The following THOC6 variants were observed in gnomAD, a reference collection of about 807,000 sequenced individuals.
THOC6 encodes the protein THO complex 6.
THOC6 carries 39 observed loss-of-function variants against 55.8 expected under a neutral mutation model. That is an observed-to-expected ratio of 0.70 (90% confidence interval 0.54 to 0.91). The LOEUF (loss-of-function observed/expected upper bound fraction) is 0.91. Ranked by LOEUF, THOC6 falls within the 40% of genes least tolerant of loss-of-function variation. The pLI, the probability that THOC6 is intolerant of heterozygous loss-of-function variation, is 0.00. For missense variants in THOC6, 482 were observed against 442.0 expected (o/e 1.09, Z -0.81); for synonymous variants, 192 against 175.6 (o/e 1.09, Z -0.74).
chr16:3,024,413 C>T lies in THOC6; in HGVS notation c.39+48C>T, dbSNP rs141851323. 5.5e-3 allele frequency: 8,901 copies of T among 1,611,398 alleles called. 28 individuals carry two copies. The highest frequency in any genetic ancestry group is 6.8e-3 in the Non-Finnish European group (8,065 of 1,177,600). ...TGCCTTCTGGGGTTTGTAGTTCACG[C>T]ATGGCTGGGACGGGGCGGGCAGGGA... On this transcript the variant is annotated intron_variant, in intron 1 of 12. Transcript: ENST00000326266.
rs2072822283 is a variant in THOC6, at chr16:3,027,293, GTC to G, written c.810+16_810+17del. On this transcript the variant is annotated intron_variant, in intron 11 of 12. Coordinates refer to ENST00000326266, the MANE Select transcript of THOC6 (RefSeq NM_024339.5). ...CTACCAGGACCTGGTGAGGCCCTGT[GTC>G]TCACTTCTGCCACCCCCACTGACTC... 2 of 1,614,188 alleles carry G rather than the reference GTC, an allele frequency of 1.2e-6. No homozygotes were observed. Among genetic ancestry groups the G allele is most frequent in the East Asian group, 4.5e-5 (2 of 44,888 alleles).
In THOC6 at chr16:3,024,072, G is replaced by A. The variant is rs2072709488; in HGVS notation, c.-255G>A. 2.5e-6 allele frequency: 2 copies of A among 806,874 alleles called. No individual in the cohort carries two copies. The highest frequency in any genetic ancestry group is 1.8e-5 in the South Asian group (1 of 56,176). The allele number at this position is 806,874 out of a possible 1,614,324, so 50.0% of individuals were successfully genotyped here. A position where few individuals can be genotyped will look rare whatever the true frequency, so the allele number is the denominator to read the frequency against. Reference sequence around the variant, plus strand: ...TTCTGCGCGGGCGCGGAAGACGGGCGGCGCGTGGCGGAAGGCAGGCTTGCT... The same window carrying A: ...TTCTGCGCGGGCGCGGAAGACGGGCAGCGCGTGGCGGAAGGCAGGCTTGCT... On this transcript the variant is annotated 5_prime_UTR_variant, in exon 1 of 13. Coordinates refer to ENST00000326266, the MANE Select transcript of THOC6 (RefSeq NM_024339.5).
At chr16:3,025,671 A>G in intron 1 of THOC6, 37 bp from the exon 2 acceptor site, 1 of 1,588,046 alleles carries the variant, frequency 6.3e-7, no homozygotes, top group Non-Finnish European at 8.6e-7. Flanking sequence ...GAGGTTTCAT[A>G]CGTCCCAGGC....
At chr16:3,027,555 G>GTC (rs1372579498) in intron 12 of THOC6, 22 bp from the exon 13 acceptor site, 3 of 1,613,424 alleles carry the variant, frequency 1.9e-6, no homozygotes, top group Non-Finnish European at 2.5e-6. Flanking sequence ...GGGCAGGCCA[G>GTC]TCATGCCCCT....
chr16:3,026,500 T>A lies in THOC6; in HGVS notation c.412-16T>A. 1 of 1,614,132 alleles carries A rather than the reference T, an allele frequency of 6.2e-7. No individual in the cohort carries two copies. Among genetic ancestry groups the A allele is most frequent in the Non-Finnish European group, 8.5e-7 (1 of 1,180,012 alleles). On this transcript the variant is annotated splice_polypyrimidine_tract_variant and intron_variant, in intron 6 of 12. Coordinates refer to ENST00000326266, the MANE Select transcript of THOC6 (RefSeq NM_024339.5). ...GATTTGACATTGACTTTCTGCCTCA[T>A]CCTGCTCCTCCACAGGAGAATTCCC...
At position 3,024,342 on chromosome 16, in the gene THOC6, C is replaced by A; in HGVS notation, c.16C>A (p.Pro6Thr). MERAV[P>T]LAVPLGQTEV... ...AGTTCTGGAGATGGAGCGAGCTGTG[C>A]CGCTCGCGGTGCCTCTGGGTCAGGT... is the stretch of plus-strand genomic sequence containing the variant. Residue 6 changes from proline (P) to threonine (T), a missense_variant, in exon 1 of 13, where the codon CCG becomes ACG. By Grantham distance (38) the Pro-to-Thr change is conservative. Coordinates refer to ENST00000326266, the MANE Select transcript of THOC6 (RefSeq NM_024339.5). The A allele has an allele frequency of 6.2e-7, 1 of 1,614,084 alleles. No individual in the cohort carries two copies. The highest frequency in any genetic ancestry group is 8.5e-7 in the Non-Finnish European group (1 of 1,179,990).
Position 3,026,931 on chromosome 16 carries a change from G to C in THOC6, c.636+15G>C. The C allele has an allele frequency of 6.2e-7, 1 of 1,614,190 alleles. No homozygotes were observed. Among genetic ancestry groups the C allele is most frequent in the Non-Finnish European group, 8.5e-7 (1 of 1,180,020 alleles). ...ATAAGCACGAGGTGAGGGTGTGACCGTGGCCATTGTCCTCTTCTCCCCCAA... is the reference window on the plus strand; with the variant it reads ...ATAAGCACGAGGTGAGGGTGTGACCCTGGCCATTGTCCTCTTCTCCCCCAA... On this transcript the variant is annotated intron_variant, in intron 9 of 12. Transcript: ENST00000326266.
chr16:3,025,673 G>A (rs768102078), intron 1 of THOC6, 35 bp from the exon 2 acceptor site: 10 of 1,591,748 alleles, frequency 6.3e-6, no homozygotes, highest in East Asian at 2.2e-5. Flanking sequence ...GGTTTCATAC[G>A]TCCCAGGCAG....
At chr16:3,024,420 G>T in intron 1 of THOC6, 55 bp downstream of exon 1, 1 of 1,607,382 alleles carries the variant, frequency 6.2e-7, no homozygotes, top group Non-Finnish European at 8.5e-7. Context: ...ACGCATGGCT[G>T]GGACGGGGCG....
In THOC6 at chr16:3,026,862, C is replaced by G; in HGVS notation, c.587-5C>G. The G allele has an allele frequency of 6.2e-7, 1 of 1,614,188 alleles. No individual in the cohort carries two copies. The highest frequency in any genetic ancestry group is 8.5e-7 in the Non-Finnish European group (1 of 1,180,030). Reference sequence around the variant, plus strand: ...GGGGCACCACTCACAGTTCTTTCCCCGCAGACCTGCGCACAGCCAAGGAGG... The same window carrying G: ...GGGGCACCACTCACAGTTCTTTCCCGGCAGACCTGCGCACAGCCAAGGAGG... On this transcript the variant is annotated splice_region_variant and splice_polypyrimidine_tract_variant and intron_variant, in intron 8 of 12. Transcript: ENST00000326266.
chr16:3,025,939 G>C lies in THOC6; in HGVS notation c.171G>C (p.Leu57Phe). 6.2e-7 allele frequency: 1 copy of C among 1,614,208 alleles called. No individual in the cohort carries two copies. Among genetic ancestry groups the C allele is most frequent in the Non-Finnish European group, 8.5e-7 (1 of 1,180,048 alleles). ...QIAIFSLSSA[L>F]SSEAKEESKK... ...GTCCCTGCAGCTTGTCCTCTGCTTT[G>C]AGCTCAGAAGCCAAAGAGGAAAGTA... The change falls in exon 3 of 13, where the codon TTG becomes TTC. Residue 57 changes from leucine (L) to phenylalanine (F), a missense_variant. Transcript: ENST00000326266.
intron 11 of THOC6, 34 bp from the exon 12 acceptor site, chr16:3,027,332 C>G (rs747311109): frequency 6.2e-7 from 1 of 1,614,030 alleles, no homozygotes; most frequent in Non-Finnish European, 8.5e-7. Context: ...TCCCTTCAGT[C>G]CTGACCCCTG....
Position 3,026,068 on chromosome 16 carries a change from G to T in THOC6, c.226G>T (p.Asp76Tyr). ...KKPVVTFQAH[D>Y]GPVYSMVSTD... ...AGTTCTGCATTTCTCTTTAGCCCAT[G>T]ATGGGCCCGTCTATAGCATGGTTTC... Residue 76 changes from aspartate (D) to tyrosine (Y), a missense_variant, in exon 4 of 13, where the codon GAT (aspartate) becomes TAT (tyrosine). Physicochemically the swap from Asp to Tyr is radical, Grantham distance 160 (BLOSUM62 -3). Transcript: ENST00000326266. The T allele has an allele frequency of 6.2e-7, 1 of 1,612,656 alleles. No homozygotes were observed. The highest frequency in any genetic ancestry group is 1.3e-5 in the African/African-American group (1 of 75,034).
chr16:3,027,177 G>C lies in THOC6; in HGVS notation c.707G>C (p.Gly236Ala). ...LATDSDWMVC[G>A]GGPALTLWHL... ...TCCCACCTTTCTGTCCAGGTCTGTG[G>C]AGGGGGCCCAGCCCTCACCCTCTGG... The change falls in exon 11 of 13, where the codon GGA (glycine) becomes GCA (alanine). Residue 236 changes from glycine (G) to alanine (A), a missense_variant. Gly to Ala is a moderately conservative substitution (Grantham distance 60, BLOSUM62 0). Coordinates refer to ENST00000326266, the MANE Select transcript of THOC6 (RefSeq NM_024339.5). 1 of 1,614,142 alleles carries C rather than the reference G, an allele frequency of 6.2e-7. No individual in the cohort carries two copies. Among genetic ancestry groups the C allele is most frequent in the Non-Finnish European group, 8.5e-7 (1 of 1,180,022 alleles).
At position 3,024,228 on chromosome 16, in the gene THOC6, G is replaced by A. The variant is rs972505568; in HGVS notation, c.-99G>A. On this transcript the variant is annotated 5_prime_UTR_variant, in exon 1 of 13. Coordinates refer to ENST00000326266, the MANE Select transcript of THOC6 (RefSeq NM_024339.5). ...GGTACGCACCAGCCACCTTCGCGCCGAAGGCGGTAGGGCGCCACGGAGAGG... is the reference window on the plus strand; with the variant it reads ...GGTACGCACCAGCCACCTTCGCGCCAAAGGCGGTAGGGCGCCACGGAGAGG... The A allele has an allele frequency of 4.8e-5, 72 of 1,511,208 alleles. No individual in the cohort carries two copies. The African/African-American group carries it at 8.4e-4, about 18-fold the overall frequency. The allele number at this position is 1,511,208 out of a possible 1,614,324, so 93.6% of individuals were successfully genotyped here. A position where few individuals can be genotyped will look rare whatever the true frequency, so the allele number is the denominator to read the frequency against.
chr16:3,024,231 G>A lies in THOC6; in HGVS notation c.-96G>A. The A allele has an allele frequency of 2.6e-6, 4 of 1,522,566 alleles. No individual in the cohort carries two copies. The highest frequency in any genetic ancestry group is 2.7e-6 in the Non-Finnish European group (3 of 1,103,630). The allele number at this position is 1,522,566 out of a possible 1,614,324, so 94.3% of individuals were successfully genotyped here. A position where few individuals can be genotyped will look rare whatever the true frequency, so the allele number is the denominator to read the frequency against. ...ACGCACCAGCCACCTTCGCGCCGAA[G>A]GCGGTAGGGCGCCACGGAGAGGAAC... On this transcript the variant is annotated 5_prime_UTR_variant, in exon 1 of 13. Transcript: ENST00000326266.
rs1278244147 is a variant in THOC6 at position 3,024,092 on chromosome 16, C to A, written c.-235C>A. 2.7e-6 allele frequency: 2 copies of A among 741,614 alleles called. No homozygotes were observed. The highest frequency in any genetic ancestry group is 3.5e-5 in the African/African-American group (2 of 56,516). The allele number at this position is 741,614 out of a possible 1,614,324, so 45.9% of individuals were successfully genotyped here. A position where few individuals can be genotyped will look rare whatever the true frequency, so the allele number is the denominator to read the frequency against. On this transcript the variant is annotated 5_prime_UTR_variant, in exon 1 of 13. Transcript: ENST00000326266. ...CGGGCGGCGCGTGGCGGAAGGCAGG[C>A]TTGCTCCTCGGGGTGGGGGAGGGTA...
rs2072709717 is a variant in THOC6 at position 3,024,074 on chromosome 16, C to A, written c.-253C>A. 15 of 800,784 alleles carry A rather than the reference C, an allele frequency of 1.9e-5. No homozygotes were observed. Among genetic ancestry groups the A allele is most frequent in the South Asian group, 1.8e-4 (10 of 56,022 alleles). 49.6% of individuals were successfully genotyped at this position (800,784 alleles called of 1,614,324 possible). A position where few individuals can be genotyped will look rare whatever the true frequency, so the allele number is the denominator to read the frequency against. The stretch of plus-strand genomic sequence containing the variant: ...CTGCGCGGGCGCGGAAGACGGGCGG[C>A]GCGTGGCGGAAGGCAGGCTTGCTCC... On this transcript the variant is annotated 5_prime_UTR_variant, in exon 1 of 13. Transcript: ENST00000326266.
chr16:3,024,736 G>C (rs2072739597), intron 1 of THOC6, among the ~76,000 whole-genome samples: 1 of 148,750 alleles, frequency 6.7e-6, no homozygotes, highest in East Asian at 2.0e-4. Flanking sequence ...CCAGGTTCAA[G>C]CGATTCTCCT....
Sources: allele counts gnomAD v4.1 joint callset (sites outside exome capture counted in the v4.1 genomes callset), GRCh38; gene constraint gnomAD v4.1.1; transcripts MANE v1.5; gene names NCBI Gene and HGNC (gene_info 2026-07-23, HGNC 2026-07-21).